Variants in AGBL4 observed in about 807,000 individuals in gnomAD.
The protein encoded by AGBL4 is AGBL carboxypeptidase 4.
A neutral mutation model predicts 66.4 loss-of-function variants in AGBL4; 58 were observed. The ratio of observed to expected loss-of-function variants is 0.87; its 90% CI spans 0.71 to 1.09. AGBL4 has a LOEUF of 1.09. AGBL4 is among the 50% of genes least tolerant of loss of function. The pLI, the probability that AGBL4 is intolerant of heterozygous loss-of-function variation, is 0.00. For synonymous variants in AGBL4, 234 were observed against 222.9 expected (o/e 1.05, Z -0.44); for missense variants, 579 against 631.0 (o/e 0.92, Z 0.88).
chr1:49,941,572 A>T (rs1654761542), intron 1 of AGBL4, among the ~76,000 whole-genome samples: 1 of 152,150 alleles, frequency 6.6e-6, no homozygotes, highest in South Asian at 2.1e-4. Flanking sequence ...AGAAGAGTTC[A>T]ACATAAGAAA....
intron 9 of AGBL4, among the ~76,000 whole-genome samples, chr1:48,621,434 G>A (rs942076026): frequency 2.6e-5 from 4 of 152,108 alleles, no homozygotes; most frequent in Admixed American, 6.6e-5. Flanking sequence ...TCATATGTGG[G>A]TGGCTAGGTC....
chr1:49,526,279 G>GA (rs142681029), intron 3 of AGBL4, among the ~76,000 whole-genome samples: 7,493 of 151,868 alleles, frequency 0.049, 574 homozygotes, highest in African/African-American at 0.16. Context: ...GATATAAAGA[G>GA]AAAAAAACTA....
chr1:49,926,167 C>T (rs1301145310), intron 1 of AGBL4, among the ~76,000 whole-genome samples: 1 of 152,180 alleles, frequency 6.6e-6, no homozygotes, highest in East Asian at 1.9e-4. Flanking sequence ...CAGCTCCAGA[C>T]AGTTCAAAAG....
chr1:49,000,887 T>C (rs1337866185), intron 5 of AGBL4, among the ~76,000 whole-genome samples: 1 of 152,152 alleles, frequency 6.6e-6, no homozygotes, highest in Admixed American at 6.5e-5. Context: ...GGAAGCACAA[T>C]TGGTTTTTCA....
chr1:49,964,291 GC>G (rs1657369275), intron 1 of AGBL4, among the ~76,000 whole-genome samples: 1 of 151,992 alleles, frequency 6.6e-6, no homozygotes, highest in African/African-American at 2.4e-5. Flanking sequence ...ATAATCTTAG[GC>G]AAGTTACTTA....
chr1:49,404,466 G>A (rs1645153930), intron 3 of AGBL4, among the ~76,000 whole-genome samples: 1 of 152,190 alleles, frequency 6.6e-6, no homozygotes, highest in South Asian at 2.1e-4. Context: ...CCAGTGTGGT[G>A]TTTTGTGAGA....
intron 6 of AGBL4, among the ~76,000 whole-genome samples, chr1:48,732,795 T>C (rs1220043664): frequency 4.0e-5 from 6 of 151,728 alleles, no homozygotes; most frequent in African/African-American, 1.5e-4. Context: ...ATGGGAACAA[T>C]AGGAAGTGAG....
At chr1:49,268,531 A>C (rs1643982163) in intron 3 of AGBL4, among the ~76,000 whole-genome samples, 1 of 151,676 alleles carries the variant, frequency 6.6e-6, no homozygotes, top group South Asian at 2.1e-4. Context: ...TCCTGGGCTC[A>C]AGTGATCCTC....
At position 48,908,047 on chromosome 1, in the gene AGBL4, G is replaced by T. The variant is rs116264458; in HGVS notation, c.595-40817C>A. 2.0e-3 allele frequency among the ~76,000 whole-genome samples: 297 copies of T among 152,252 alleles called. 3 individuals carry two copies. The highest frequency in any genetic ancestry group is 6.9e-3 in the African/African-American group (285 of 41,556). On this transcript the variant is annotated intron_variant, in intron 5 of 13. Transcript: ENST00000371839. ...CAAAATTTTCTTGTGATACTTTCAAGCTCCTTCTTTCTGCTTCCTCCAAAG... is the reference window on the plus strand; with the variant it reads ...CAAAATTTTCTTGTGATACTTTCAATCTCCTTCTTTCTGCTTCCTCCAAAG...
intron 3 of AGBL4, among the ~76,000 whole-genome samples, chr1:49,672,915 C>T (rs1278354372): frequency 1.5e-5 from 2 of 133,508 alleles, no homozygotes; most frequent in African/African-American, 5.9e-5. Context: ...GAGCAAAACT[C>T]CATCTCAAAA....
intron 1 of AGBL4, among the ~76,000 whole-genome samples, chr1:49,881,044 C>T (rs911364319): frequency 1.3e-5 from 2 of 152,086 alleles, no homozygotes; most frequent in African/African-American, 2.4e-5. Flanking sequence ...CACCCACTGG[C>T]CTGCGCCCAC....
chr1:49,162,070 G>A (rs1195160035), intron 4 of AGBL4, among the ~76,000 whole-genome samples: 1 of 151,994 alleles, frequency 6.6e-6, no homozygotes, highest in Non-Finnish European at 1.5e-5. Flanking sequence ...CAGAGATAGG[G>A]GTACCTTTCT....
intron 2 of AGBL4, among the ~76,000 whole-genome samples, chr1:49,770,006 A>G (rs188783570): frequency 3.9e-5 from 6 of 152,296 alleles, no homozygotes; most frequent in African/African-American, 1.4e-4. Context: ...CCAGAAAAAT[A>G]AAACTATCAA....
rs571652825 is a variant in AGBL4, at chr1:49,189,809, G to A, written c.377+55961C>T. The stretch of plus-strand genomic sequence containing the variant: ...ATTTTTCAGGTGGGTATGAAAAAGT[G>A]GGTATGATATCCAAAATTTACTGAT... On this transcript the variant is annotated intron_variant, in intron 4 of 13. Transcript: ENST00000371839. Among the ~76,000 whole-genome samples, 5 of 152,182 alleles carry A rather than the reference G, an allele frequency of 3.3e-5. No homozygotes were observed. In the East Asian group the frequency reaches 7.7e-4, roughly 24 times the overall value.
chr1:49,935,399 G>C (rs1346202852), intron 1 of AGBL4, among the ~76,000 whole-genome samples: 3 of 152,188 alleles, frequency 2.0e-5, no homozygotes, highest in Non-Finnish European at 4.4e-5. Context: ...TCCACCTCTG[G>C]GGGCAGGGCA....
At chr1:49,733,770 T>C (rs1381727265) in intron 2 of AGBL4, among the ~76,000 whole-genome samples, 1 of 152,206 alleles carries the variant, frequency 6.6e-6, no homozygotes, top group South Asian at 2.1e-4. Context: ...TTTTCTGCCA[T>C]GTGGGGACAA....
chr1:49,300,273 G>T (rs1644721088), intron 3 of AGBL4, among the ~76,000 whole-genome samples: 1 of 152,132 alleles, frequency 6.6e-6, no homozygotes, highest in Non-Finnish European at 1.5e-5. Flanking sequence ...ACCTGGGTGT[G>T]CATCCCAGTT....
At chr1:49,394,889 C>T (rs573103302) in intron 3 of AGBL4, among the ~76,000 whole-genome samples, 16 of 152,242 alleles carry the variant, frequency 1.1e-4, no homozygotes, top group Admixed American at 7.2e-4. Context: ...TGTTTATTTT[C>T]ATTCTGGTCT....
At chr1:49,562,546 C>A (rs913318334) in intron 3 of AGBL4, among the ~76,000 whole-genome samples, 3 of 152,224 alleles carry the variant, frequency 2.0e-5, no homozygotes, top group African/African-American at 7.2e-5. Context: ...GTTTTCCCAG[C>A]ACCATTTATT....
Sources: gnomAD v4.1 joint callset for allele counts (sites outside exome capture counted in the v4.1 genomes callset) on GRCh38, gnomAD v4.1.1 for gene constraint, MANE v1.5 for transcripts, NCBI Gene and HGNC (gene_info 2026-07-23, HGNC 2026-07-21) for gene names.